EYS: variants seen among roughly 807,000 people sequenced by gnomAD.
EYS encodes the protein protein eyes shut homolog.
Under a neutral mutation model 282.1 loss-of-function variants are expected in EYS, and 250 were observed. The ratio of observed to expected loss-of-function variants is 0.89; its 90% CI spans 0.80 to 0.98. The LOEUF (loss-of-function observed/expected upper bound fraction) is 0.98, where lower values mean the gene tolerates loss of function less well. Among genes scored for constraint, EYS ranks in the 50% least tolerant of loss-of-function variants. The pLI is 0.00. For synonymous variants in EYS, 1,355 were observed against 1,282.9 expected, an observed-to-expected ratio of 1.06 and a Z score of -1.20; for missense variants, 4,016 against 3,709.0, an observed-to-expected ratio of 1.08 and a Z score of -2.15.
At chr6:65,506,228 G>A (rs1039098765) in intron 2 of EYS, among the ~76,000 whole-genome samples, 6 of 151,870 alleles carry the variant, frequency 4.0e-5, no homozygotes, top group South Asian at 2.1e-4. Flanking sequence ...TATTTAAAGC[G>A]TTTCTTGTAA....
chr6:64,954,879 A>G (rs1769639197), intron 14 of EYS, among the ~76,000 whole-genome samples: 1 of 152,152 alleles, frequency 6.6e-6, no homozygotes, highest in Non-Finnish European at 1.5e-5. Context: ...AAACAAATCA[A>G]AAACATAGGC....
At chr6:65,229,997 T>C (rs1766726959) in intron 12 of EYS, among the ~76,000 whole-genome samples, 1 of 151,754 alleles carries the variant, frequency 6.6e-6, no homozygotes, top group Non-Finnish European at 1.5e-5. Flanking sequence ...ACCATTTAAG[T>C]AATAAGGGGA....
intron 5 of EYS, among the ~76,000 whole-genome samples, chr6:65,434,395 A>T (rs1767990886): frequency 6.7e-6 from 1 of 149,706 alleles, no homozygotes; most frequent in Non-Finnish European, 1.5e-5. Flanking sequence ...ATCTCGGCTC[A>T]CTGCAAGCTC....
intron 22 of EYS, among the ~76,000 whole-genome samples, chr6:64,652,331 A>G (rs1390413214): frequency 6.6e-6 from 1 of 152,232 alleles, no homozygotes; most frequent in Non-Finnish European, 1.5e-5. Flanking sequence ...TGGGGCACAG[A>G]AAGGGCAGAA....
chr6:64,940,048 C>G (rs1045419185), intron 15 of EYS, among the ~76,000 whole-genome samples: 2 of 151,960 alleles, frequency 1.3e-5, no homozygotes, highest in Non-Finnish European at 2.9e-5. Context: ...TCTTTTCCTC[C>G]ATCCTCCTAG....
intron 2 of EYS, among the ~76,000 whole-genome samples, chr6:65,499,830 AT>A (rs916017397): frequency 2.0e-5 from 3 of 151,836 alleles, no homozygotes; most frequent in Admixed American, 6.6e-5. Flanking sequence ...ATTTATTCAT[AT>A]TTTTTAAGGG....
chr6:64,001,686 C>T (rs1435455358), intron 33 of EYS, among the ~76,000 whole-genome samples: 2 of 152,088 alleles, frequency 1.3e-5, no homozygotes, highest in African/African-American at 4.8e-5. Flanking sequence ...ATAATTCATC[C>T]AGCTCTTAAA....
chr6:63,898,192 A>T (rs1457858874), intron 35 of EYS, among the ~76,000 whole-genome samples: 1 of 152,200 alleles, frequency 6.6e-6, no homozygotes, highest in African/African-American at 2.4e-5. Context: ...TCTGCATAAA[A>T]ATATTTTGAG....
chr6:63,995,668 A>G (rs147477814), intron 34 of EYS, among the ~76,000 whole-genome samples: 4 of 152,194 alleles, frequency 2.6e-5, no homozygotes, highest in East Asian at 3.9e-4. Flanking sequence ...TAGAAACAAC[A>G]TAAATGTCCA....
intron 9 of EYS, among the ~76,000 whole-genome samples, chr6:65,350,243 A>G (rs1770548172): frequency 6.6e-6 from 1 of 151,492 alleles, no homozygotes; most frequent in South Asian, 2.1e-4. Flanking sequence ...AGGTAGAACA[A>G]TATACTAAGA....
intron 12 of EYS, among the ~76,000 whole-genome samples, chr6:65,132,318 T>C (rs1329451099): frequency 6.6e-6 from 1 of 151,956 alleles, no homozygotes; most frequent in East Asian, 1.9e-4. Context: ...CTCAACAAAA[T>C]ACTTGCAAAT....
intron 18 of EYS, among the ~76,000 whole-genome samples, chr6:64,892,562 T>C (rs2150066541): frequency 6.6e-6 from 1 of 152,150 alleles, no homozygotes; most frequent in East Asian, 1.9e-4. Flanking sequence ...CTTGTGATAT[T>C]ATAACTGCAT....
chr6:64,829,591 A>G (rs2150027109), intron 19 of EYS, among the ~76,000 whole-genome samples: 1 of 152,074 alleles, frequency 6.6e-6, no homozygotes, highest in South Asian at 2.1e-4. Flanking sequence ...GCAATCAGAT[A>G]ACGATAGATC....
rs939520416 is a variant in EYS at position 63,961,306 on chromosome 6, C to T, written c.7055+23077G>A. ...ACAAAAGAAGTGAAAGTGGCCAGTTCCTGCCTTAACTGATGAAATTCCACC... is the reference window on the plus strand; with the variant it reads ...ACAAAAGAAGTGAAAGTGGCCAGTTTCTGCCTTAACTGATGAAATTCCACC... On this transcript the variant is annotated intron_variant, in intron 35 of 42. Transcript: ENST00000503581. 3.9e-5 allele frequency among the ~76,000 whole-genome samples: 6 copies of T among 152,144 alleles called. No individual in the cohort carries two copies. The East Asian group carries it at 9.7e-4, about 24-fold the overall frequency.
intron 35 of EYS, among the ~76,000 whole-genome samples, chr6:63,978,671 G>A (rs1188203131): frequency 6.6e-6 from 1 of 151,922 alleles, no homozygotes; most frequent in Non-Finnish European, 1.5e-5. Flanking sequence ...ATGAAGACAA[G>A]CAAAAATTGT....
In EYS at chr6:64,626,417, T is replaced by G. The variant is rs367847005; in HGVS notation, c.3444-172A>C. ...AATTGTGGCCCCAAAACAGTATGTC[T>G]AATACTTAACACTAAATATCTGTGA... On this transcript the variant is annotated intron_variant, in intron 22 of 42. Transcript: ENST00000503581. Among the ~76,000 whole-genome samples, 6 of 152,304 alleles carry G rather than the reference T, an allele frequency of 3.9e-5. No individual in the cohort carries two copies. In the South Asian group the frequency reaches 8.3e-4, roughly 21 times the overall value.
At chr6:64,123,330 A>G (rs1483464300) in intron 31 of EYS, among the ~76,000 whole-genome samples, 1 of 152,206 alleles carries the variant, frequency 6.6e-6, no homozygotes, top group Non-Finnish European at 1.5e-5. Context: ...CTCATTTTAT[A>G]TTATTAATTT....
chr6:64,592,667 T>TA (rs1162376726), intron 25 of EYS, among the ~76,000 whole-genome samples: 1 of 152,086 alleles, frequency 6.6e-6, no homozygotes, highest in Non-Finnish European at 1.5e-5. Flanking sequence ...ATTGGACATG[T>TA]AAAAAACAGC....
intron 36 of EYS, among the ~76,000 whole-genome samples, chr6:63,816,664 T>G (rs757702478): frequency 3.9e-5 from 6 of 152,188 alleles, no homozygotes; most frequent in Non-Finnish European, 5.9e-5. Context: ...AATATTACTC[T>G]CTCTCTTTGG....
Sources: gnomAD v4.1 joint callset for allele counts (sites outside exome capture counted in the v4.1 genomes callset) on GRCh38, gnomAD v4.1.1 for gene constraint, MANE v1.5 for transcripts, NCBI Gene and HGNC (gene_info 2026-07-23, HGNC 2026-07-21) for gene names.